KCNS3: variants seen among roughly 807,000 people sequenced by gnomAD.
The protein encoded by KCNS3 is delayed-rectifier potassium channel regulatory subunit KCNS3.
Under a neutral mutation model 31.0 loss-of-function variants are expected in KCNS3, and 13 were observed. The observed-to-expected ratio is 0.42, with a 90% CI of 0.27 to 0.67. The LOEUF is 0.67. KCNS3 is among the 30% of genes least tolerant of loss of function. The pLI is 0.25. For missense variants in KCNS3, 545 were observed against 622.4 expected (o/e 0.88, Z 1.32); for synonymous variants, 238 against 241.5 (o/e 0.99, Z 0.13).
At chr2:17,880,667 T>A (rs1674623630) in intron 1 of KCNS3, among the ~76,000 whole-genome samples, 1 of 152,242 alleles carries the variant, frequency 6.6e-6, no homozygotes, top group Admixed American at 6.5e-5. Flanking sequence ...GTCAAGTGTA[T>A]GAGGGCAAAT....
At chr2:17,918,252 C>G (rs904456484) in intron 2 of KCNS3, among the ~76,000 whole-genome samples, 2 of 152,216 alleles carry the variant, frequency 1.3e-5, no homozygotes, top group Non-Finnish European at 1.5e-5. Flanking sequence ...GAGTCTGGCT[C>G]AGGTCACAGA....
chr2:17,878,343 G>C (rs1391249624), upstream of KCNS3, among the ~76,000 whole-genome samples: 10 of 152,206 alleles, frequency 6.6e-5, no homozygotes, highest in East Asian at 1.8e-3. Context: ...CAGGTGGGAG[G>C]CGCGGGGCGC....
chr2:17,919,039 G>T (rs1405582882), intron 2 of KCNS3, among the ~76,000 whole-genome samples: 1 of 152,230 alleles, frequency 6.6e-6, no homozygotes, highest in African/African-American at 2.4e-5. Flanking sequence ...TCCTGTTTCT[G>T]TTTGAAAAGC....
rs755698765 is a variant in KCNS3 at position 17,931,262 on chromosome 2, C to T, written c.254C>T (p.Thr85Met). The change falls in exon 3 of 3, where the codon ACG becomes ATG. Residue 85 changes from threonine to methionine, a missense_variant. By Grantham distance (81) the Thr-to-Met change is moderately conservative. Coordinates refer to ENST00000304101, the MANE Select transcript of KCNS3 (RefSeq NM_002252.5). The surrounding 1 kb of genome is among the most constrained non-coding windows in gnomAD (Gnocchi z 5.4). The part of the protein sequence containing the change: ...LFRYVLNFYY[T>M]GKLHVMEELC... ...AGATATGTTTTGAATTTTTATTACACGGGGAAGCTGCATGTCATGGAGGAG... is the reference window on the plus strand; with the variant it reads ...AGATATGTTTTGAATTTTTATTACATGGGGAAGCTGCATGTCATGGAGGAG... The T allele has an allele frequency of 8.1e-6, 13 of 1,614,116 alleles. No individual in the cohort carries two copies. The highest frequency in any genetic ancestry group is 1.1e-5 in the South Asian group (1 of 91,076).
intron 1 of KCNS3, among the ~76,000 whole-genome samples, chr2:17,884,289 A>AAT: frequency 7.2e-6 from 1 of 138,352 alleles, no homozygotes; most frequent in Non-Finnish European, 1.5e-5. Flanking sequence ...ATATATATAT[A>AAT]TATATATATA....
chr2:17,932,666 A>G lies in KCNS3; in HGVS notation c.*182A>G, dbSNP rs73225067. On this transcript the variant is annotated 3_prime_UTR_variant, in exon 3 of 3. Transcript: ENST00000304101. ...GTCTTTATTTTTCTCTGTGAGGTCA[A>G]TTAAATGCCTTGTTCTGAAATTTAT... The G allele has an allele frequency of 1.3e-3, 763 of 608,816 alleles. 3 individuals carry two copies. In the African/African-American group the frequency reaches 0.013, roughly 10 times the overall value. 37.7% of individuals were successfully genotyped at this position (608,816 alleles called of 1,614,324 possible). A position where few individuals can be genotyped will look rare whatever the true frequency, so the allele number is the denominator to read the frequency against.
chr2:17,915,633 AC>A (rs1363222229), intron 1 of KCNS3, among the ~76,000 whole-genome samples: 1 of 152,182 alleles, frequency 6.6e-6, no homozygotes, highest in Non-Finnish European at 1.5e-5. Flanking sequence ...TGGGGATAAT[AC>A]CACTTATAAT....
At chr2:17,925,358 T>C (rs1392110202) in intron 2 of KCNS3, among the ~76,000 whole-genome samples, 2 of 152,220 alleles carry the variant, frequency 1.3e-5, no homozygotes, top group Non-Finnish European at 2.9e-5. Flanking sequence ...ATCTGGAGGC[T>C]TCATCTGCAT....
At chr2:17,882,867 T>C (rs1335670889) in intron 1 of KCNS3, among the ~76,000 whole-genome samples, 3 of 148,826 alleles carry the variant, frequency 2.0e-5, no homozygotes, top group Non-Finnish European at 4.6e-5. Flanking sequence ...ACATTATACT[T>C]TTTTTTCACA....
At chr2:17,921,388 A>G (rs923196329) in intron 2 of KCNS3, among the ~76,000 whole-genome samples, 3 of 152,138 alleles carry the variant, frequency 2.0e-5, no homozygotes, top group African/African-American at 4.8e-5. Context: ...ATATTTTAGT[A>G]TGTATTTCCA....
At chr2:17,886,345 T>C (rs1017603527) in intron 1 of KCNS3, among the ~76,000 whole-genome samples, 2 of 152,238 alleles carry the variant, frequency 1.3e-5, no homozygotes, top group African/African-American at 2.4e-5. Flanking sequence ...AACTTCATGG[T>C]TGAATACTGT....
intron 1 of KCNS3, among the ~76,000 whole-genome samples, chr2:17,886,708 C>G (rs1195088426): frequency 1.3e-5 from 2 of 151,258 alleles, no homozygotes; most frequent in Admixed American, 6.6e-5. Context: ...ATCCATCCAT[C>G]CATCCATCCC....
chr2:17,931,993 C>T lies in KCNS3; in HGVS notation c.985C>T (p.Leu329Phe), dbSNP rs745417936. 31 of 1,614,158 alleles carry T rather than the reference C, an allele frequency of 1.9e-5. No homozygotes were observed. Among genetic ancestry groups the T allele is most frequent in the Non-Finnish European group, 2.5e-5 (30 of 1,180,032 alleles). ...CTACCATGAAGTTGGGCTTCTGCTT[C>T]TCTTCCTCTCTGTGGGCATTTCCAT... is the stretch of plus-strand genomic sequence containing the variant. Reference protein sequence around the residue: ...HSYHEVGLLLLFLSVGISIFS... With the variant: ...HSYHEVGLLLFFLSVGISIFS... The change falls in exon 3 of 3, where the codon CTC becomes TTC. Residue 329 changes from leucine (L) to phenylalanine (F), a missense_variant. By Grantham distance (22) the Leu-to-Phe change is conservative. Transcript: ENST00000304101. The surrounding 1 kb of genome is among the most constrained non-coding windows in gnomAD (Gnocchi z 5.4).
At chr2:17,903,647 C>T in intron 1 of KCNS3, among the ~76,000 whole-genome samples, 1 of 151,706 alleles carries the variant, frequency 6.6e-6, no homozygotes, top group Non-Finnish European at 1.5e-5. Context: ...GTGATGTTCC[C>T]CTTCCTATGT....
intron 1 of KCNS3, among the ~76,000 whole-genome samples, chr2:17,885,076 T>A (rs952416449): frequency 6.6e-6 from 1 of 152,152 alleles, no homozygotes; most frequent in South Asian, 2.1e-4. Flanking sequence ...GAACTATGAA[T>A]GGGGATGTAG....
intron 1 of KCNS3, among the ~76,000 whole-genome samples, chr2:17,911,085 A>G (rs1662461611): frequency 6.6e-6 from 1 of 151,768 alleles, no homozygotes; most frequent in Admixed American, 6.6e-5. Flanking sequence ...TCCAAATACT[A>G]CCTATTCATG....
intron 1 of KCNS3, among the ~76,000 whole-genome samples, chr2:17,905,555 G>T (rs1662293772): frequency 1.3e-5 from 2 of 152,308 alleles, no homozygotes; most frequent in South Asian, 4.1e-4. Context: ...CAAAGGGAAT[G>T]CTTCCAGTTT....
chr2:17,888,076 A>G (rs571705170), intron 1 of KCNS3, among the ~76,000 whole-genome samples: 1 of 152,040 alleles, frequency 6.6e-6, no homozygotes, highest in Admixed American at 6.6e-5. Context: ...GATTCTGGAT[A>G]TTAGTCCTTT....
chr2:17,900,957 CA>C (rs1381197937), intron 1 of KCNS3, among the ~76,000 whole-genome samples: 1 of 152,134 alleles, frequency 6.6e-6, no homozygotes, highest in Non-Finnish European at 1.5e-5. Flanking sequence ...TTTTAATCCT[CA>C]TAACTTCTCT....
Sources: gnomAD v4.1 joint callset for allele counts (sites outside exome capture counted in the v4.1 genomes callset) on GRCh38, gnomAD v4.1.1 for gene constraint, Gnocchi (gnomAD v3.1) non-coding constraint, MANE v1.5 for transcripts, NCBI Gene and HGNC (gene_info 2026-07-23, HGNC 2026-07-21) for gene names.